Variants in PHF12 observed in about 807,000 individuals in gnomAD.
PHF12 encodes the protein PHD finger protein 12, also known as PHD factor 1.
Under a neutral mutation model 99.8 loss-of-function variants are expected in PHF12, and 6 were observed. The observed-to-expected ratio is 0.06, with a 90% CI of 0.03 to 0.12. The LOEUF (loss-of-function observed/expected upper bound fraction) is 0.12. Among genes scored for constraint, PHF12 ranks in the 10% least tolerant of loss-of-function variants. The probability of loss-of-function intolerance (pLI) is 1.00; values close to 1 mark genes in which losing one functional copy is unlikely to be tolerated. For missense variants in PHF12, 954 were observed against 1,300.1 expected (o/e 0.73, Z 4.09); for synonymous variants, 480 against 514.9 (o/e 0.93, Z 0.92).
Position 28,950,887 on chromosome 17 carries a change from A to C in PHF12, c.66+8T>G, listed in dbSNP as rs763922052. 1.6e-5 allele frequency: 25 copies of C among 1,612,274 alleles called. No homozygotes were observed. In the Admixed American group the frequency reaches 3.8e-4, roughly 25 times the overall value. On this transcript the variant is annotated splice_region_variant and intron_variant, in intron 1 of 14. Transcript: ENST00000332830. This position sits in a 1 kb window ranked among gnomAD's most constrained non-coding sequence, Gnocchi z 5.7. ...CTGGAGGAAGGAGATGAGGAGGGCC[A>C]CTCTTACCTCCATCAGCCCCCCTGA...
intron 3 of PHF12, 123 bp downstream of exon 3, chr17:28,926,868 C>T (rs2040284658): frequency 1.9e-6 from 3 of 1,565,540 alleles, no homozygotes; most frequent in South Asian, 2.3e-5. Context: ...TGGGGTGATT[C>T]CAGGGCTGGA....
chr17:28,907,260 G>A (rs536070463), intron 13 of PHF12: 22 of 522,870 alleles, frequency 4.2e-5, no homozygotes, highest in East Asian at 2.6e-4. Flanking sequence ...TCACTGGCCC[G>A]TGATGATAAT....
At chr17:28,937,959 G>T (rs2040538944) in intron 2 of PHF12, among the ~76,000 whole-genome samples, 1 of 152,128 alleles carries the variant, frequency 6.6e-6, no homozygotes, top group South Asian at 2.1e-4. Flanking sequence ...CACACTCTTG[G>T]GAACATTCCA....
Position 28,951,365 on chromosome 17 carries a change from G to A in PHF12, c.-405C>T. On this transcript the variant is annotated 5_prime_UTR_variant, in exon 1 of 15. Transcript: ENST00000332830. ...GAGGTTACGTGAGGTTGTGGTACGT[G>A]AGGTGACTGGGGGGAGGGTGATGGG... 1 of 975,644 alleles carries A rather than the reference G, an allele frequency of 1.0e-6. No individual in the cohort carries two copies. The highest frequency in any genetic ancestry group is 1.1e-4 in the East Asian group (1 of 9,202). The allele number at this position is 975,644 out of a possible 1,614,324, so 60.4% of individuals were successfully genotyped here.
rs1333928813 is a variant in PHF12 at position 28,906,396 on chromosome 17, A to T, written c.2802T>A (p.Ile934=). Residue 934 remains isoleucine, a synonymous_variant, in exon 15 of 15, where the codon ATT becomes ATA. Transcript: ENST00000332830. This position sits in a 1 kb window ranked among gnomAD's most constrained non-coding sequence, Gnocchi z 4.2. ...CNCKASSSSL[I]GGSGAGWEGT... ...CCTCCCAGCCGGCCCCACTGCCCCC[A>T]ATCAAGCTCGAGCTGCTGGCTTTGC... 5 of 1,614,190 alleles carry T rather than the reference A, an allele frequency of 3.1e-6. No individual in the cohort carries two copies. The East Asian group carries it at 1.1e-4, about 36-fold the overall frequency.
At chr17:28,938,528 T>C (rs1490350877) in intron 2 of PHF12, among the ~76,000 whole-genome samples, 1 of 152,078 alleles carries the variant, frequency 6.6e-6, no homozygotes, top group East Asian at 1.9e-4. Flanking sequence ...GCACCCAGCC[T>C]GAGAGCAGGT....
Position 28,906,569 on chromosome 17 carries a change from T to C in PHF12, c.2681-52A>G, listed in dbSNP as rs1598113147. 6.5e-7 allele frequency: 1 copy of C among 1,529,072 alleles called. No homozygotes were observed. Among genetic ancestry groups the C allele is most frequent in the Non-Finnish European group, 8.8e-7 (1 of 1,130,686 alleles). 94.7% of individuals were successfully genotyped at this position (1,529,072 alleles called of 1,614,324 possible). The stretch of plus-strand genomic sequence containing the variant: ...AGAGGAACAGTGAGCAGCCAACCCA[T>C]GTGGGCTGTTTGCCAAGGTTGGGCT... On this transcript the variant is annotated intron_variant, in intron 14 of 14. Coordinates refer to ENST00000332830, the MANE Select transcript of PHF12 (RefSeq NM_001033561.2). This position sits in a 1 kb window ranked among gnomAD's most constrained non-coding sequence, Gnocchi z 4.2.
chr17:28,914,102 C>T (rs1390174974), intron 7 of PHF12, 65 bp from the exon 8 acceptor site: 3 of 1,495,860 alleles, frequency 2.0e-6, no homozygotes, highest in Admixed American at 1.8e-5. Flanking sequence ...GTTGATTCTG[C>T]CCTGGTATGC....
chr17:28,936,968 G>A (rs553948015), intron 2 of PHF12, among the ~76,000 whole-genome samples: 17 of 152,274 alleles, frequency 1.1e-4, no homozygotes, highest in Admixed American at 7.2e-4. Context: ...AGCCAAAATG[G>A]GGAGTGAAGG....
intron 2 of PHF12, among the ~76,000 whole-genome samples, chr17:28,938,594 C>T (rs2040553403): frequency 6.6e-6 from 1 of 152,126 alleles, no homozygotes; most frequent in African/African-American, 2.4e-5. Flanking sequence ...TTAATTTACC[C>T]TCCCCTGACA....
intron 7 of PHF12, among the ~76,000 whole-genome samples, chr17:28,916,442 TG>T (rs1567953914): frequency 1.3e-5 from 2 of 152,210 alleles, no homozygotes; most frequent in African/African-American, 4.8e-5. Context: ...GTAATCCACC[TG>T]CCTTGGTCTC....
Position 28,951,466 on chromosome 17 carries a change from C to A in PHF12, c.-506G>T. 9 of 985,596 alleles carry A rather than the reference C, an allele frequency of 9.1e-6. No individual in the cohort carries two copies. The highest frequency in any genetic ancestry group is 1.1e-5 in the Non-Finnish European group (9 of 830,034). The allele number at this position is 985,596 out of a possible 1,614,324, so 61.1% of individuals were successfully genotyped here. A position where few individuals can be genotyped will look rare whatever the true frequency, so the allele number is the denominator to read the frequency against. Reference sequence around the variant, plus strand: ...CTGCCGCGCACTTGGCGCAAACTTACCGCGAGCGCCCGCAAAGCCACCCGC... The same window carrying A: ...CTGCCGCGCACTTGGCGCAAACTTAACGCGAGCGCCCGCAAAGCCACCCGC... On this transcript the variant is annotated 5_prime_UTR_variant, in exon 1 of 15. Transcript: ENST00000332830.
At chr17:28,921,554 T>A in intron 5 of PHF12, 134 bp downstream of exon 5, 1 of 1,145,828 alleles carries the variant, frequency 8.7e-7, no homozygotes, top group Non-Finnish European at 1.2e-6. Context: ...AGTCCATTAG[T>A]TAGTCTCCAT....
Position 28,906,176 on chromosome 17 carries a change from GCCAGT to G in PHF12, c.*2_*6del. The G allele has an allele frequency of 6.4e-7, 1 of 1,557,218 alleles. No individual in the cohort carries two copies. The highest frequency in any genetic ancestry group is 8.7e-7 in the Non-Finnish European group (1 of 1,146,602). On this transcript the variant is annotated 3_prime_UTR_variant, in exon 15 of 15. Transcript: ENST00000332830. This position sits in a 1 kb window ranked among gnomAD's most constrained non-coding sequence, Gnocchi z 4.2. The stretch of plus-strand genomic sequence containing the variant: ...TGTACAGGCCAGTGGCGGGGTAGCC[GCCAGT>G]CCTAAGGAACAGAGTTGGAGCGCAG...
At chr17:28,930,071 C>T (rs1230341805) in intron 2 of PHF12, 1 of 152,078 alleles carries the variant, frequency 6.6e-6, no homozygotes, top group African/African-American at 2.4e-5. Context: ...AGATAAGACC[C>T]CTGTGGCCAG....
At chr17:28,918,220 A>G (rs2040096358) in intron 6 of PHF12, among the ~76,000 whole-genome samples, 1 of 152,230 alleles carries the variant, frequency 6.6e-6, no homozygotes, top group South Asian at 2.1e-4. Context: ...CAAAAATTTA[A>G]CCCACTAAGA....
intron 3 of PHF12, chr17:28,924,645 T>C (rs994503598): frequency 2.8e-6 from 1 of 351,232 alleles, no homozygotes; most frequent in Non-Finnish European, 5.4e-6. Context: ...ATAAATTTAG[T>C]GAGACCAATA....
At chr17:28,931,383 G>C (rs1255701669) in intron 2 of PHF12, among the ~76,000 whole-genome samples, 1 of 151,348 alleles carries the variant, frequency 6.6e-6, no homozygotes, top group Non-Finnish European at 1.5e-5. Context: ...AGCCTCCCGA[G>C]TAGCTGGGAT....
intron 9 of PHF12, 42 bp from the exon 10 acceptor site, chr17:28,911,279 G>A: frequency 1.2e-6 from 2 of 1,610,986 alleles, no homozygotes; most frequent in Non-Finnish European, 1.7e-6. Context: ...GTCGCCTGAG[G>A]GAAACCCACC....
Sources: gnomAD v4.1 joint callset for allele counts (sites outside exome capture counted in the v4.1 genomes callset) on GRCh38, gnomAD v4.1.1 for gene constraint, Gnocchi (gnomAD v3.1) non-coding constraint, MANE v1.5 for transcripts, NCBI Gene and HGNC (gene_info 2026-07-23, HGNC 2026-07-21) for gene names.